ADGRV1: variants seen among roughly 807,000 people sequenced by gnomAD.
ADGRV1 encodes the protein G-protein coupled receptor 98.
A neutral mutation model predicts 596.2 loss-of-function variants in ADGRV1; 359 were observed. The observed-to-expected ratio is 0.60, with a 90% CI of 0.55 to 0.66. The LOEUF is 0.66. ADGRV1 is among the 30% of genes least tolerant of loss of function. ADGRV1 has a pLI of 0.00. For synonymous variants in ADGRV1, 2,681 were observed against 2,679.2 expected (o/e 1.00, Z -0.02); for missense variants, 7,274 against 7,575.6 (o/e 0.96, Z 1.48).
chr5:91,051,817 G>A (rs77852554), intron 85 of ADGRV1, among the ~76,000 whole-genome samples: 1,737 of 152,170 alleles, frequency 0.011, 36 homozygotes, highest in African/African-American at 0.04. Flanking sequence ...ATCCCAATGA[G>A]CATCTATATT....
At chr5:90,857,831 A>G (rs769838927) in intron 82 of ADGRV1, among the ~76,000 whole-genome samples, 23 of 152,216 alleles carry the variant, frequency 1.5e-4, no homozygotes, top group Non-Finnish European at 2.4e-4. Context: ...TACATATTCT[A>G]TAATTTAGGT....
At chr5:91,071,790 T>A (rs1001166869) in intron 85 of ADGRV1, among the ~76,000 whole-genome samples, 39 of 152,130 alleles carry the variant, frequency 2.6e-4, no homozygotes, top group African/African-American at 9.2e-4. Context: ...TTCTCCCTCC[T>A]CAGCCTCCCA....
rs747275713 is a variant in ADGRV1, at chr5:90,802,796, G to A, written c.14575G>A (p.Gly4859Ser). 1.1e-5 allele frequency: 18 copies of A among 1,612,632 alleles called. No homozygotes were observed. Among genetic ancestry groups the A allele is most frequent in the Non-Finnish European group, 1.4e-5 (17 of 1,179,404 alleles). ...TLQLVTVMLV[G>S]GRFYGMPTIL... ...GCAACTGGTGACTGTGATGCTTGTC[G>A]GTGGACGTTTCTATGGAATGCCAAC... The change falls in exon 71 of 90, where the codon GGT becomes AGT. Residue 4859 changes from glycine to serine, a missense_variant. Gly to Ser is a moderately conservative substitution (Grantham distance 56). Around this residue, in one of 5 missense-constraint regions of ADGRV1, gnomAD observed 1,874 missense variants for 1,970.2 expected, o/e 0.95. Coordinates refer to ENST00000405460, the MANE Select transcript of ADGRV1 (RefSeq NM_032119.4).
At chr5:91,120,808 C>G (rs1582118993) in intron 87 of ADGRV1, among the ~76,000 whole-genome samples, 1 of 152,176 alleles carries the variant, frequency 6.6e-6, no homozygotes, top group African/African-American at 2.4e-5. Flanking sequence ...ACCTCTTTAG[C>G]TGTGCTTGGC....
At chr5:90,921,003 CT>C (rs1170716493) in intron 83 of ADGRV1, among the ~76,000 whole-genome samples, 2 of 152,174 alleles carry the variant, frequency 1.3e-5, no homozygotes, top group African/African-American at 2.4e-5. Flanking sequence ...AAAGTGAGCA[CT>C]TCTGTACCTG....
intron 1 of ADGRV1, among the ~76,000 whole-genome samples, chr5:90,607,193 A>G (rs1350674447): frequency 2.6e-5 from 4 of 152,196 alleles, no homozygotes; most frequent in Non-Finnish European, 5.9e-5. Context: ...CTCTTAGCAG[A>G]TCCAAGAAAG....
chr5:91,119,597 A>G (rs528292092), intron 87 of ADGRV1, among the ~76,000 whole-genome samples: 1 of 152,362 alleles, frequency 6.6e-6, no homozygotes, highest in Non-Finnish European at 1.5e-5. Context: ...TGTAATCTCC[A>G]TAGTTGCAGG....
At position 90,813,132 on chromosome 5, in the gene ADGRV1, C is replaced by CAAAAAAAAAAAAA. The variant is rs5869522; in HGVS notation, c.16078+1814_16078+1826dup. ...TGGGCGACAGAGTAAGACTCCGTCT[C>CAAAAAAAAAAAAA]AAAAAAAAAAAAAAAAAAAAAAAAA... On this transcript the variant is annotated intron_variant, in intron 74 of 89. Coordinates refer to ENST00000405460, the MANE Select transcript of ADGRV1 (RefSeq NM_032119.4). Among the ~76,000 whole-genome samples, 285 of 34,916 alleles carry CAAAAAAAAAAAAA rather than the reference C, an allele frequency of 8.2e-3. 58 individuals are homozygous for CAAAAAAAAAAAAA. Among genetic ancestry groups the CAAAAAAAAAAAAA allele is most frequent in the Middle Eastern group, 0.045 (1 of 22 alleles). The allele number at this position is 34,916 out of a possible 152,430, so 22.9% of individuals were successfully genotyped here. A position where few individuals can be genotyped will look rare whatever the true frequency, so the allele number is the denominator to read the frequency against.
At chr5:90,951,995 A>C (rs144440005) in intron 83 of ADGRV1, among the ~76,000 whole-genome samples, 23 of 152,322 alleles carry the variant, frequency 1.5e-4, no homozygotes, top group African/African-American at 5.1e-4. Context: ...AGTTATTTGT[A>C]ATTATTGAAG....
chr5:90,605,310 G>A (rs1200418010), intron 1 of ADGRV1, among the ~76,000 whole-genome samples: 1 of 151,852 alleles, frequency 6.6e-6, no homozygotes, highest in Non-Finnish European at 1.5e-5. Context: ...AGCTACTCAG[G>A]AGGCTGAGGC....
Position 90,694,357 on chromosome 5 carries a change from T to C in ADGRV1, c.7601T>C (p.Met2534Thr), listed in dbSNP as rs1746893183. 1 of 1,614,000 alleles carries C rather than the reference T, an allele frequency of 6.2e-7. No individual in the cohort carries two copies. Among genetic ancestry groups the C allele is most frequent in the African/African-American group, 1.3e-5 (1 of 75,060 alleles). The stretch of plus-strand genomic sequence containing the variant: ...ATTCTTCCTGATGATTTCCCAGAGA[T>C]GGATGAGAGTTTTCTAATTTCTCTC... ...VSILPDDFPE[M>T]DESFLISLLE... The change falls in exon 33 of 90, where the codon ATG (methionine) becomes ACG (threonine). Residue 2534 changes from methionine (M) to threonine (T), a missense_variant. This residue lies in a region of ADGRV1 where 3,643 missense variants were observed against 3,809.2 expected (regional missense o/e 0.96). Transcript: ENST00000405460.
At chr5:90,959,964 C>A (rs970111322) in intron 83 of ADGRV1, among the ~76,000 whole-genome samples, 23 of 151,728 alleles carry the variant, frequency 1.5e-4, no homozygotes, top group South Asian at 2.1e-4. Flanking sequence ...ACGGTGAAAC[C>A]CCGTCTCTAC....
At chr5:90,787,035 T>A (rs541846262) in intron 67 of ADGRV1, among the ~76,000 whole-genome samples, 1 of 151,816 alleles carries the variant, frequency 6.6e-6, no homozygotes, top group Admixed American at 6.6e-5. Context: ...CATTTAGAGA[T>A]CAGAGGAAGG....
intron 87 of ADGRV1, among the ~76,000 whole-genome samples, chr5:91,146,754 T>A (rs1795564060): frequency 6.6e-6 from 1 of 152,200 alleles, no homozygotes; most frequent in Non-Finnish European, 1.5e-5. Context: ...TTTTGGAAGT[T>A]AAGAAGTTTG....
At position 90,705,349 on chromosome 5, in the gene ADGRV1, G is replaced by A. The variant is rs376863678; in HGVS notation, c.8387-51G>A. The A allele has an allele frequency of 4.0e-5, 60 of 1,493,456 alleles. No homozygotes were observed. The African/African-American group carries it at 6.2e-4, about 15-fold the overall frequency. 92.5% of individuals were successfully genotyped at this position (1,493,456 alleles called of 1,614,324 possible). Reference sequence around the variant, plus strand: ...CAGAGAGTGAGGCTATGTTTCCAGCGATTAAAAGCTAATGCCAAATCACTG... The same window carrying A: ...CAGAGAGTGAGGCTATGTTTCCAGCAATTAAAAGCTAATGCCAAATCACTG... On this transcript the variant is annotated intron_variant, in intron 36 of 89. Transcript: ENST00000405460.
At chr5:90,979,477 G>A (rs1562037243) in intron 84 of ADGRV1, among the ~76,000 whole-genome samples, 1 of 152,014 alleles carries the variant, frequency 6.6e-6, no homozygotes, top group Non-Finnish European at 1.5e-5. Flanking sequence ...GCCTATTTGT[G>A]TCAATTTATA....
intron 83 of ADGRV1, among the ~76,000 whole-genome samples, chr5:90,902,250 G>C (rs1771917143): frequency 6.6e-6 from 1 of 152,032 alleles, no homozygotes; most frequent in African/African-American, 2.4e-5. Context: ...TTATTAAGTG[G>C]CTTCTCATTC....
At chr5:90,703,277 G>A (rs1044561800) in intron 34 of ADGRV1, among the ~76,000 whole-genome samples, 1 of 152,020 alleles carries the variant, frequency 6.6e-6, no homozygotes, top group Non-Finnish European at 1.5e-5. Context: ...ATCAGTGTAA[G>A]GATTTGTGCC....
At chr5:90,763,634 A>G (rs536335795) in intron 59 of ADGRV1, among the ~76,000 whole-genome samples, 165 bp downstream of exon 59, 1 of 152,242 alleles carries the variant, frequency 6.6e-6, no homozygotes, top group Admixed American at 6.5e-5. Context: ...CAAATAGTGA[A>G]TATAGTACCC....
Sources: gnomAD v4.1 joint callset for allele counts (sites outside exome capture counted in the v4.1 genomes callset) on GRCh38, gnomAD v4.1.1 for gene constraint, gnomAD v4.1.1 regional missense constraint, MANE v1.5 for transcripts, NCBI Gene and HGNC (gene_info 2026-07-23, HGNC 2026-07-21) for gene names.